Variants in NUS1 observed in about 807,000 individuals in gnomAD.
NUS1 encodes NUS1 dehydrodolichyl diphosphate synthase subunit, also known as dehydrodolichyl diphosphate synthase complex subunit NUS1.
For missense variants in NUS1, 292 were observed against 382.9 expected, an observed-to-expected ratio of 0.76 and a Z score of 1.98; for synonymous variants, 135 against 155.2, an observed-to-expected ratio of 0.87 and a Z score of 0.97.
Position 117,694,040 on chromosome 6 carries a change from G to T in NUS1, c.551G>T (p.Cys184Phe). ...TTGTTTTTTCTTCCAGTTTTAAATT[G>T]CCATTTGGCAGTGAAGGTGCTGTCT... Reference protein sequence around the residue: ...SNDKDDQVLNCHLAVKVLSPE... With the variant: ...SNDKDDQVLNFHLAVKVLSPE... The change falls in exon 3 of 5, where the codon TGC (cysteine) becomes TTC (phenylalanine). Residue 184 changes from cysteine (C) to phenylalanine (F), a missense_variant. By Grantham distance (205) the Cys-to-Phe change is radical. Coordinates refer to ENST00000368494, the MANE Select transcript of NUS1 (RefSeq NM_138459.5). The T allele has an allele frequency of 6.2e-7, 1 of 1,601,556 alleles. No individual in the cohort carries two copies. Among genetic ancestry groups the T allele is most frequent in the African/African-American group, 1.3e-5 (1 of 74,386 alleles).
intron 3 of NUS1, among the ~76,000 whole-genome samples, chr6:117,694,506 T>C (rs1225838316): frequency 6.6e-6 from 1 of 152,050 alleles, no homozygotes. Flanking sequence ...TTCCCCTTTC[T>C]TTTTAGTTTG....
At chr6:117,701,465 C>T (rs900001418) in intron 3 of NUS1, among the ~76,000 whole-genome samples, 5 of 151,934 alleles carry the variant, frequency 3.3e-5, no homozygotes, top group South Asian at 2.1e-4. Context: ...AGGATGGTCC[C>T]GATCTCCTGA....
chr6:117,676,888 G>T (rs1772991815), intron 1 of NUS1, among the ~76,000 whole-genome samples: 1 of 152,210 alleles, frequency 6.6e-6, no homozygotes, highest in African/African-American at 2.4e-5. Context: ...GATAGGTACT[G>T]CAAATGGGAG....
chr6:117,695,294 G>A (rs1352259338), intron 3 of NUS1, among the ~76,000 whole-genome samples: 1 of 146,916 alleles, frequency 6.8e-6, no homozygotes. Flanking sequence ...ACTTTGACAT[G>A]TGTCCGTCAC....
At chr6:117,676,494 C>A (rs1388541309) in intron 1 of NUS1, among the ~76,000 whole-genome samples, 1 of 152,198 alleles carries the variant, frequency 6.6e-6, no homozygotes, top group Non-Finnish European at 1.5e-5. Context: ...AGGAGAATCG[C>A]TGGAACCCGG....
At chr6:117,689,858 C>T (rs1215504552) in intron 1 of NUS1, among the ~76,000 whole-genome samples, 1 of 152,142 alleles carries the variant, frequency 6.6e-6, no homozygotes, top group Non-Finnish European at 1.5e-5. Context: ...GAGCCACTGG[C>T]ACCCAGCCCA....
intron 1 of NUS1, among the ~76,000 whole-genome samples, chr6:117,676,696 C>T (rs540287820): frequency 6.6e-6 from 1 of 152,322 alleles, no homozygotes; most frequent in African/African-American, 2.4e-5. Context: ...AACTGATTTG[C>T]CCAAGGCCAC....
chr6:117,687,992 G>T (rs1019747890), intron 1 of NUS1, among the ~76,000 whole-genome samples: 1 of 152,090 alleles, frequency 6.6e-6, no homozygotes. Flanking sequence ...GAGGAGGAAG[G>T]ATCACTTGAG....
chr6:117,678,978 G>A (rs1268261634), intron 1 of NUS1, among the ~76,000 whole-genome samples: 5 of 152,050 alleles, frequency 3.3e-5, no homozygotes, highest in Middle Eastern at 3.2e-3. Flanking sequence ...CACTGCGCCC[G>A]GCCATATTCA....
At chr6:117,701,617 C>T (rs1034456919) in intron 3 of NUS1, among the ~76,000 whole-genome samples, 9 of 152,180 alleles carry the variant, frequency 5.9e-5, no homozygotes, top group East Asian at 1.9e-4. Flanking sequence ...TAAATTTACT[C>T]CTAGGTATTC....
chr6:117,681,377 A>G (rs1330452392), intron 1 of NUS1, among the ~76,000 whole-genome samples: 1 of 152,194 alleles, frequency 6.6e-6, no homozygotes, highest in Non-Finnish European at 1.5e-5. Flanking sequence ...TGTAATGAAT[A>G]GTTAATATGT....
rs1772975685 is a variant in NUS1, at chr6:117,676,104, G to A, written c.415+19G>A. 3 of 1,550,394 alleles carry A rather than the reference G, an allele frequency of 1.9e-6. No homozygotes were observed. Among genetic ancestry groups the A allele is most frequent in the Non-Finnish European group, 2.6e-6 (3 of 1,147,024 alleles). The stretch of plus-strand genomic sequence containing the variant: ...CACCAAGGTGAGGCCCGGTGCGGTG[G>A]TGGGGGGTGGCCGAGGCGTCTTGGA... On this transcript the variant is annotated intron_variant, in intron 1 of 4. Coordinates refer to ENST00000368494, the MANE Select transcript of NUS1 (RefSeq NM_138459.5).
At position 117,675,550 on chromosome 6, in the gene NUS1, C is replaced by G. The variant is rs1176454711; in HGVS notation, c.-121C>G. On this transcript the variant is annotated 5_prime_UTR_variant, in exon 1 of 5. Coordinates refer to ENST00000368494, the MANE Select transcript of NUS1 (RefSeq NM_138459.5). The stretch of plus-strand genomic sequence containing the variant: ...GAGGTGTTGGCAGTGGAAAGGGGTT[C>G]GGGCTCGGGGGGCGGGGGGACGCGG... 1 of 1,016,594 alleles carries G rather than the reference C, an allele frequency of 9.8e-7. No homozygotes were observed. Among genetic ancestry groups the G allele is most frequent in the East Asian group, 2.7e-5 (1 of 36,464 alleles). 63.0% of individuals were successfully genotyped at this position (1,016,594 alleles called of 1,614,324 possible).
intron 1 of NUS1, among the ~76,000 whole-genome samples, chr6:117,687,805 T>G (rs1773162052): frequency 6.6e-6 from 1 of 152,170 alleles, no homozygotes; most frequent in Non-Finnish European, 1.5e-5. Flanking sequence ...ACTAGGCATT[T>G]TAGGAAACAT....
intron 1 of NUS1, among the ~76,000 whole-genome samples, chr6:117,689,244 T>G (rs552033248): frequency 7.9e-5 from 12 of 152,264 alleles, no homozygotes; most frequent in African/African-American, 2.6e-4. Context: ...AATATTCTGG[T>G]GATAAGGTTG....
rs78599800 is a variant in NUS1 at position 117,696,642 on chromosome 6, A to G, written c.691+2462A>G. On this transcript the variant is annotated intron_variant, in intron 3 of 4. Coordinates refer to ENST00000368494, the MANE Select transcript of NUS1 (RefSeq NM_138459.5). ...TATTTTAAAAAGTGGTGAAAGAAAG[A>G]AACTTTTACCCTAGAATAATAGTAT... 4.9e-3 allele frequency among the ~76,000 whole-genome samples: 739 copies of G among 152,268 alleles called. 4 individuals are homozygous for G. The highest frequency in any genetic ancestry group is 0.017 in the African/African-American group (704 of 41,564).
chr6:117,702,902 C>T (rs1372236429), intron 3 of NUS1, among the ~76,000 whole-genome samples: 9 of 152,044 alleles, frequency 5.9e-5, no homozygotes, highest in Admixed American at 2.6e-4. Context: ...TATCTTTTTT[C>T]TGTACTCTTC....
chr6:117,702,645 G>A (rs1041873571), intron 3 of NUS1, among the ~76,000 whole-genome samples: 2 of 152,062 alleles, frequency 1.3e-5, no homozygotes, highest in Non-Finnish European at 2.9e-5. Flanking sequence ...ATAATTTATT[G>A]CTTCTTAGGT....
At chr6:117,692,923 T>C in intron 1 of NUS1, 119 bp from the exon 2 acceptor site, 1 of 804,432 alleles carries the variant, frequency 1.2e-6, no homozygotes, top group Non-Finnish European at 2.0e-6. Flanking sequence ...GGACTAGTCA[T>C]TACAGCTTTG....
Sources: allele counts gnomAD v4.1 joint callset (sites outside exome capture counted in the v4.1 genomes callset), GRCh38; gene constraint gnomAD v4.1.1; transcripts MANE v1.5; gene names NCBI Gene and HGNC (gene_info 2026-07-23, HGNC 2026-07-21).